PHC3: variants seen among roughly 807,000 people sequenced by gnomAD.
PHC3 encodes the protein polyhomeotic homolog 3.
PHC3 carries 13 observed loss-of-function variants against 107.4 expected under a neutral mutation model. That is an observed-to-expected ratio of 0.12 (90% CI 0.08 to 0.19). The LOEUF (loss-of-function observed/expected upper bound fraction) is 0.19. Ranked by LOEUF, PHC3 falls within the 10% of genes least tolerant of loss-of-function variation. The pLI, the probability that PHC3 is intolerant of heterozygous loss-of-function variation, is 1.00. For synonymous variants in PHC3, 456 were observed against 427.4 expected (o/e 1.07, Z -0.83); for missense variants, 992 against 1,210.9 (o/e 0.82, Z 2.68).
chr3:170,116,864 T>C (rs1485881148), intron 10 of PHC3, among the ~76,000 whole-genome samples: 1 of 150,590 alleles, frequency 6.6e-6, no homozygotes, highest in Non-Finnish European at 1.5e-5. Context: ...TGAGCCATGA[T>C]CGCACCACTG....
intron 2 of PHC3, among the ~76,000 whole-genome samples, chr3:170,173,567 G>A (rs1729951368): frequency 6.6e-6 from 1 of 152,162 alleles, no homozygotes; most frequent in South Asian, 2.1e-4. Flanking sequence ...TTAAAATGTG[G>A]TTAGTGCAAC....
chr3:170,127,884 T>C (rs192295554), intron 8 of PHC3, among the ~76,000 whole-genome samples: 97 of 152,312 alleles, frequency 6.4e-4, no homozygotes, highest in Non-Finnish European at 1.3e-3. Flanking sequence ...TTTTTCTTTC[T>C]AGGCAACAAT....
intron 4 of PHC3, among the ~76,000 whole-genome samples, chr3:170,162,282 G>A (rs1291596846): frequency 1.3e-5 from 2 of 152,126 alleles, no homozygotes; most frequent in African/African-American, 4.8e-5. Context: ...CCTCCCACAT[G>A]AACTCCAAAC....
intron 14 of PHC3, among the ~76,000 whole-genome samples, chr3:170,101,222 A>G (rs1715417227): frequency 6.6e-6 from 1 of 152,222 alleles, no homozygotes; most frequent in Admixed American, 6.5e-5. Flanking sequence ...CTCCACTTTA[A>G]ACAATTCCAT....
intron 4 of PHC3, among the ~76,000 whole-genome samples, chr3:170,153,307 AT>A (rs1367409674): frequency 1.3e-5 from 2 of 151,864 alleles, no homozygotes; most frequent in East Asian, 3.9e-4. Flanking sequence ...TTGTCTCCTA[AT>A]TTCCATTTTG....
intron 5 of PHC3, among the ~76,000 whole-genome samples, chr3:170,145,932 CAAAA>C (rs1412272432): frequency 6.6e-6 from 1 of 152,038 alleles, no homozygotes; most frequent in South Asian, 2.1e-4. Flanking sequence ...CAGTGAGAAA[CAAAA>C]AGAAACACCA....
At chr3:170,100,606 A>C (rs1166695292) in intron 14 of PHC3, among the ~76,000 whole-genome samples, 2 of 152,198 alleles carry the variant, frequency 1.3e-5, no homozygotes, top group Admixed American at 1.3e-4. Context: ...TTTTCTAAAT[A>C]CCTGGCAACA....
chr3:170,165,150 C>T (rs534045186), intron 4 of PHC3, among the ~76,000 whole-genome samples: 15 of 152,176 alleles, frequency 9.9e-5, no homozygotes, highest in African/African-American at 3.4e-4. Flanking sequence ...CCCAGCTTAG[C>T]AATTAAGAGG....
chr3:170,102,277 T>TG lies in PHC3; in HGVS notation c.2833+201dup, dbSNP rs929252295. 5.1e-6 allele frequency: 5 copies of TG among 985,252 alleles called. No homozygotes were observed. The African/African-American group carries it at 7.0e-5, about 14-fold the overall frequency. The allele number at this position is 985,252 out of a possible 1,614,324, so 61.0% of individuals were successfully genotyped here. On this transcript the variant is annotated intron_variant, in intron 14 of 14. Coordinates refer to ENST00000495893, the MANE Select transcript of PHC3 (RefSeq NM_024947.4). ...CAGGACTAGTCAGTTTTTATCGACT[T>TG]GGGGGGTATGAGAAAATACCCAGTA...
chr3:170,110,851 G>C (rs995465652), intron 11 of PHC3, among the ~76,000 whole-genome samples: 11 of 152,222 alleles, frequency 7.2e-5, no homozygotes, highest in Admixed American at 2.6e-4. Flanking sequence ...TACACAGGGA[G>C]ACACATTATA....
chr3:170,134,202 A>T (rs915380398), intron 7 of PHC3, among the ~76,000 whole-genome samples: 44 of 151,776 alleles, frequency 2.9e-4, no homozygotes, highest in African/African-American at 4.3e-4. Context: ...ATATATATAT[A>T]TTTTTGAGAC....
chr3:170,176,558 G>C (rs1730522893), intron 2 of PHC3, among the ~76,000 whole-genome samples: 1 of 152,180 alleles, frequency 6.6e-6, no homozygotes, highest in Non-Finnish European at 1.5e-5. Context: ...AAGGGCACAA[G>C]GGCTGAAGTC....
intron 12 of PHC3, among the ~76,000 whole-genome samples, chr3:170,105,851 C>T (rs2108290643): frequency 6.6e-6 from 1 of 152,260 alleles, no homozygotes; most frequent in Non-Finnish European, 1.5e-5. Context: ...GGGTGGGGTT[C>T]TTTAACATAA....
At position 170,089,459 on chromosome 3, in the gene PHC3, C is replaced by A. The variant is rs1461090047; in HGVS notation, c.*7771G>T. The A allele has an allele frequency of 6.6e-6, 1 of 152,132 alleles. No individual in the cohort carries two copies. Among genetic ancestry groups the A allele is most frequent in the Non-Finnish European group, 1.5e-5 (1 of 68,004 alleles). The allele number at this position is 152,132 out of a possible 1,614,324, so 9.4% of individuals were successfully genotyped here. ...TGCCCTTTTACTATATATGTGCTTT[C>A]TAGAATATTACTGATTCTTACATAT... is the stretch of plus-strand genomic sequence containing the variant. On this transcript the variant is annotated 3_prime_UTR_variant, in exon 15 of 15. Coordinates refer to ENST00000495893, the MANE Select transcript of PHC3 (RefSeq NM_024947.4).
intron 10 of PHC3, among the ~76,000 whole-genome samples, chr3:170,115,819 GA>G (rs1003750515): frequency 1.1e-4 from 16 of 151,656 alleles, no homozygotes; most frequent in African/African-American, 3.6e-4. Flanking sequence ...AGCAGACAGG[GA>G]AAAAAGACTG....
intron 4 of PHC3, among the ~76,000 whole-genome samples, chr3:170,153,563 AC>A (rs2108620798): frequency 6.6e-6 from 1 of 152,168 alleles, no homozygotes; most frequent in East Asian, 1.9e-4. Context: ...GGAGATTGAG[AC>A]CATCCTGGAT....
intron 11 of PHC3, among the ~76,000 whole-genome samples, chr3:170,109,823 G>GT (rs1717276484): frequency 6.6e-6 from 1 of 151,958 alleles, no homozygotes; most frequent in African/African-American, 2.4e-5. Flanking sequence ...CTTACCAGAG[G>GT]TTTTTTATGT....
intron 8 of PHC3, among the ~76,000 whole-genome samples, chr3:170,126,703 A>T (rs1051744308): frequency 6.6e-6 from 1 of 151,064 alleles, no homozygotes; most frequent in Non-Finnish European, 1.5e-5. Context: ...CACCATGCCC[A>T]GCTAATTTTT....
chr3:170,120,421 A>G (rs563184964), intron 9 of PHC3, among the ~76,000 whole-genome samples: 202 of 152,194 alleles, frequency 1.3e-3, no homozygotes, highest in Non-Finnish European at 2.2e-3. Context: ...CCCCGTGTCC[A>G]CTAAAATACA....
Sources: allele counts gnomAD v4.1 joint callset (sites outside exome capture counted in the v4.1 genomes callset), GRCh38; gene constraint gnomAD v4.1.1; transcripts MANE v1.5; gene names NCBI Gene and HGNC (gene_info 2026-07-23, HGNC 2026-07-21).